The following LAMTOR4 variants were observed in gnomAD, a reference collection of about 807,000 sequenced individuals.
LAMTOR4 encodes the protein late endosomal/lysosomal adaptor, MAPK and MTOR activator 4, also known as ragulator complex protein LAMTOR4.
A neutral mutation model predicts 13.5 loss-of-function variants in LAMTOR4; 11 were observed. That is an observed-to-expected ratio of 0.82 (90% CI 0.51 to 1.35). The LOEUF is 1.35. LAMTOR4 is among the 40% of genes most tolerant of loss of function. The pLI, the probability that LAMTOR4 is intolerant of heterozygous loss-of-function variation, is 0.00. For missense variants in LAMTOR4, 128 were observed against 126.2 expected (o/e 1.01, Z -0.07); for synonymous variants, 69 against 52.3 (o/e 1.32, Z -1.38).
In LAMTOR4 at chr7:100,148,937, A is replaced by G; in HGVS notation, c.-36A>G. On this transcript the variant is annotated 5_prime_UTR_variant, in exon 1 of 4. Transcript: ENST00000341942. ...CGGGGCCTGAAGCCGGAAGCTACCT[A>G]TCTGGTAGGGAGCTCCCCCAGCACC... 3 of 1,612,050 alleles carry G rather than the reference A, an allele frequency of 1.9e-6. No homozygotes were observed. The highest frequency in any genetic ancestry group is 2.2e-5 in the East Asian group (1 of 44,864).
intron 2 of LAMTOR4, 109 bp downstream of exon 2, chr7:100,149,688 A>G (rs1798641391): frequency 4.9e-6 from 4 of 819,300 alleles, no homozygotes; most frequent in South Asian, 1.5e-5. Context: ...CCTGGCATCT[A>G]TTAGGTTGGT....
intron 2 of LAMTOR4, chr7:100,152,586 GAAGAGGAAGTTGAGACAGTCACCAGAA>G (rs916700092): frequency 6.6e-6 from 1 of 152,212 alleles, no homozygotes; most frequent in African/African-American, 2.4e-5. Context: ...AAGGAAGAGG[GAAGAGGAAGTTGAGACAGTCACCAGAA>G]AAGAGGAAGC....
At chr7:100,152,459 A>G (rs552478526) in intron 2 of LAMTOR4, among the ~76,000 whole-genome samples, 5 of 152,292 alleles carry the variant, frequency 3.3e-5, no homozygotes, top group African/African-American at 7.2e-5. Flanking sequence ...AAGGAGGTGG[A>G]TAAGGATAAG....
intron 1 of LAMTOR4, 114 bp from the exon 2 acceptor site, chr7:100,149,385 G>T: frequency 1.3e-6 from 1 of 762,468 alleles, no homozygotes; most frequent in Non-Finnish European, 2.4e-6. Context: ...CCTGGCTGGG[G>T]AATGAGAAAA....
intron 2 of LAMTOR4, 137 bp downstream of exon 2, chr7:100,149,716 T>G: frequency 1.6e-6 from 1 of 626,696 alleles, no homozygotes. Context: ...TATTTGCAGT[T>G]TTTGCAATTA....
intron 3 of LAMTOR4, 30 bp from the exon 4 acceptor site, chr7:100,153,837 G>T: frequency 6.8e-7 from 1 of 1,464,722 alleles, no homozygotes; most frequent in South Asian, 1.2e-5. Context: ...TCCCTCTCCT[G>T]GGGCGGGGGA....
At position 100,154,124 on chromosome 7, in the gene LAMTOR4, T is replaced by C; in HGVS notation, c.*160T>C. On this transcript the variant is annotated 3_prime_UTR_variant, in exon 4 of 4. Coordinates refer to ENST00000341942, the MANE Select transcript of LAMTOR4 (RefSeq NM_001008395.4). ...GGGCCCAGGCTTGGGGACTCTGAGC[T>C]GTGTTAAGGAGAACAAGGGCAAGGA... The C allele has an allele frequency of 1.6e-6, 1 of 620,068 alleles. No homozygotes were observed. Among genetic ancestry groups the C allele is most frequent in the Non-Finnish European group, 2.9e-6 (1 of 343,142 alleles). 38.4% of individuals were successfully genotyped at this position (620,068 alleles called of 1,614,324 possible).
rs113315077 is a variant in LAMTOR4, at chr7:100,153,961, C to G, written c.297C>G (p.Val99=). The part of the protein sequence containing the change: ...RQNRGREPID[V] ...ACCGAGGTCGGGAGCCCATTGATGT[C>G]TGAGCCTGCCGGAGGGCGAGGGTCG... The change falls in exon 4 of 4, where the codon GTC becomes GTG. Residue 99 remains valine (V), a synonymous_variant. Coordinates refer to ENST00000341942, the MANE Select transcript of LAMTOR4 (RefSeq NM_001008395.4). 5,547 of 1,581,170 alleles carry G rather than the reference C, an allele frequency of 3.5e-3. 172 individuals are homozygous for G. The African/African-American group carries it at 0.067, about 19-fold the overall frequency.
chr7:100,153,454 G>A lies in LAMTOR4; in HGVS notation c.139G>A (p.Val47Ile), dbSNP rs1798774794. 6.2e-7 allele frequency: 1 copy of A among 1,610,842 alleles called. No homozygotes were observed. Among genetic ancestry groups the A allele is most frequent in the African/African-American group, 1.3e-5 (1 of 74,930 alleles). The change falls in exon 3 of 4, where the codon GTC (valine) becomes ATC (isoleucine). Residue 47 changes from valine to isoleucine, a missense_variant. Val to Ile is a conservative substitution (Grantham distance 29, BLOSUM62 3). Transcript: ENST00000341942. ...EQAASAISELVSTACGFRLHR... is the reference protein window; with the variant it reads ...EQAASAISELISTACGFRLHR... Reference sequence around the variant, plus strand: ...GGCAGCCAGTGCCATCTCTGAGCTGGTCAGCACAGCCTGCGGTTTCCGGCT... The same window carrying A: ...GGCAGCCAGTGCCATCTCTGAGCTGATCAGCACAGCCTGCGGTTTCCGGCT...
At chr7:100,150,792 T>C (rs1036628744) in intron 2 of LAMTOR4, among the ~76,000 whole-genome samples, 1 of 151,968 alleles carries the variant, frequency 6.6e-6, no homozygotes, top group Non-Finnish European at 1.5e-5. Context: ...GAGACCATCC[T>C]GGCCAACACG....
chr7:100,149,154 A>G (rs1252992738), intron 1 of LAMTOR4, 179 bp downstream of exon 1: 16 of 784,124 alleles, frequency 2.0e-5, no homozygotes, highest in Non-Finnish European at 3.0e-5. Context: ...GGTCTGTGGG[A>G]GGGTGTTCTG....
At chr7:100,152,687 A>T (rs1798741109) in intron 2 of LAMTOR4, 1 of 152,204 alleles carries the variant, frequency 6.6e-6, no homozygotes. Flanking sequence ...GGACAAAGGG[A>T]ATGTTTATGT....
intron 2 of LAMTOR4, among the ~76,000 whole-genome samples, chr7:100,152,132 C>T (rs773334915): frequency 6.6e-6 from 1 of 152,186 alleles, no homozygotes; most frequent in Non-Finnish European, 1.5e-5. Flanking sequence ...AAACATGTCC[C>T]TGCGTGGTGG....
Position 100,153,892 on chromosome 7 carries a change from G to A in LAMTOR4, c.228G>A (p.Leu76=). 6.3e-7 allele frequency: 1 copy of A among 1,588,392 alleles called. No homozygotes were observed. Among genetic ancestry groups the A allele is most frequent in the Non-Finnish European group, 8.6e-7 (1 of 1,167,632 alleles). ...LSVVFGEHTL[L]VTVSGQRVFV... ...TGGTCTTTGGAGAACACACACTGCT[G>A]GTGACGGTGTCAGGACAGAGGGTGT... Residue 76 remains leucine (L), a synonymous_variant, in exon 4 of 4, where the codon CTG becomes CTA. Coordinates refer to ENST00000341942, the MANE Select transcript of LAMTOR4 (RefSeq NM_001008395.4).
chr7:100,153,225 G>A (rs924646391), intron 2 of LAMTOR4, among the ~76,000 whole-genome samples, 175 bp from the exon 3 acceptor site: 2 of 152,024 alleles, frequency 1.3e-5, no homozygotes, highest in Admixed American at 6.6e-5. Flanking sequence ...GATGGCATCC[G>A]GAGGGTGACA....
In LAMTOR4 at chr7:100,149,571, G is replaced by A; in HGVS notation, c.76G>A (p.Val26Met). ...CTACCTGGTACTGAGTGAAGGTGCA[G>A]TGCTGGCGGTGCGTTCTGGGAAAGG... is the stretch of plus-strand genomic sequence containing the variant. ...LGYLVLSEGA[V>M]LASSGDLEND... The change falls in exon 2 of 4, where the codon GTG (valine) becomes ATG (methionine). Residue 26 changes from valine (V) to methionine (M), a missense_variant. Val to Met is a conservative substitution (Grantham distance 21). Transcript: ENST00000341942. 6.2e-7 allele frequency: 1 copy of A among 1,613,710 alleles called. No homozygotes were observed. The highest frequency in any genetic ancestry group is 8.5e-7 in the Non-Finnish European group (1 of 1,179,644).
chr7:100,153,812 A>G (rs780254625), intron 3 of LAMTOR4, 55 bp from the exon 4 acceptor site: 4 of 1,291,042 alleles, frequency 3.1e-6, no homozygotes, highest in African/African-American at 2.9e-5. Flanking sequence ...TGCACCCACT[A>G]ACTCTGTGCT....
intron 2 of LAMTOR4, among the ~76,000 whole-genome samples, chr7:100,152,307 C>T (rs1318855635): frequency 6.6e-6 from 1 of 152,082 alleles, no homozygotes; most frequent in Non-Finnish European, 1.5e-5. Flanking sequence ...GAGGTTGAGG[C>T]AGGAGAATTG....
chr7:100,153,737 A>G (rs931151902), intron 3 of LAMTOR4, 130 bp from the exon 4 acceptor site: 2 of 772,608 alleles, frequency 2.6e-6, no homozygotes, highest in Admixed American at 2.0e-5. Context: ...TGAGCCTGGA[A>G]CTATAGAACT....
Sources: gnomAD v4.1 joint callset for allele counts (sites outside exome capture counted in the v4.1 genomes callset) on GRCh38, gnomAD v4.1.1 for gene constraint, MANE v1.5 for transcripts, NCBI Gene and HGNC (gene_info 2026-07-23, HGNC 2026-07-21) for gene names.